Variants in CALCR observed in about 807,000 individuals in gnomAD.
The protein encoded by CALCR is calcitonin receptor.
In CALCR, 47 loss-of-function variants were observed where a neutral mutation model predicts 59.5. The ratio of observed to expected loss-of-function variants is 0.79; its 90% CI spans 0.63 to 1.01. The LOEUF (loss-of-function observed/expected upper bound fraction) is 1.01, where lower values mean the gene tolerates loss of function less well. CALCR is among the 50% of genes least tolerant of loss of function. The probability of loss-of-function intolerance (pLI) is 0.00; values close to 1 mark genes in which losing one functional copy is unlikely to be tolerated. For synonymous variants in CALCR, 213 were observed against 211.3 expected (o/e 1.01, Z -0.07); for missense variants, 566 against 597.1 (o/e 0.95, Z 0.54).
chr7:93,519,939 C>G (rs1327895444), intron 2 of CALCR, among the ~76,000 whole-genome samples: 1 of 151,948 alleles, frequency 6.6e-6, no homozygotes, highest in Non-Finnish European at 1.5e-5. Flanking sequence ...TCAATTAAAC[C>G]TCTTTCCTCT....
At chr7:93,535,898 G>A (rs1480240534) in intron 2 of CALCR, among the ~76,000 whole-genome samples, 1 of 151,758 alleles carries the variant, frequency 6.6e-6, no homozygotes, top group African/African-American at 2.4e-5. Flanking sequence ...AATATGTAAA[G>A]TTCTCTGGTT....
At chr7:93,480,582 T>A (rs1299694692) in intron 3 of CALCR, among the ~76,000 whole-genome samples, 1 of 151,874 alleles carries the variant, frequency 6.6e-6, no homozygotes, top group Non-Finnish European at 1.5e-5. Flanking sequence ...CTCATCCCTA[T>A]TAAGTTGACA....
At chr7:93,441,031 ATG>A (rs1034158166) in intron 9 of CALCR, among the ~76,000 whole-genome samples, 3 of 151,928 alleles carry the variant, frequency 2.0e-5, no homozygotes, top group Non-Finnish European at 4.4e-5. Flanking sequence ...TGAATTGTTT[ATG>A]TGTTTTAAGC....
In CALCR at chr7:93,488,586, A is replaced by G. The variant is rs964294955; in HGVS notation, c.-26-1579T>C. Among the ~76,000 whole-genome samples the G allele has an allele frequency of 6.0e-4, 88 of 147,658 alleles. 2 individuals are homozygous for G. The highest frequency in any genetic ancestry group is 3.3e-4 in the Non-Finnish European group (22 of 66,242). On this transcript the variant is annotated intron_variant, in intron 2 of 13. Coordinates refer to ENST00000426151, the MANE Select transcript of CALCR (RefSeq NM_001742.4). ...AATTTACCAAGCAAATGGAAAGAAA[A>G]AAAAAAAAAAAAAAAGCATGGGTTG...
intron 13 of CALCR, among the ~76,000 whole-genome samples, chr7:93,430,469 C>A (rs1333245849): frequency 6.6e-6 from 1 of 152,130 alleles, no homozygotes; most frequent in African/African-American, 2.4e-5. Flanking sequence ...GATTCCCATT[C>A]ATTATCTCTT....
At chr7:93,435,297 T>C (rs1315585760) in intron 12 of CALCR, among the ~76,000 whole-genome samples, 1 of 152,146 alleles carries the variant, frequency 6.6e-6, no homozygotes, top group Non-Finnish European at 1.5e-5. Context: ...CTTGTGCAAA[T>C]TCCTCATTAC....
intron 2 of CALCR, among the ~76,000 whole-genome samples, chr7:93,562,001 G>T (rs1333197126): frequency 1.3e-5 from 2 of 151,848 alleles, no homozygotes; most frequent in Admixed American, 1.3e-4. Context: ...GAGTTAAAAT[G>T]GGTATAACAA....
intron 3 of CALCR, among the ~76,000 whole-genome samples, chr7:93,485,612 A>T (rs1232376634): frequency 2.0e-5 from 3 of 151,660 alleles, no homozygotes; most frequent in Non-Finnish European, 3.0e-5. Flanking sequence ...AATAATATAT[A>T]GCAATATTTT....
At chr7:93,459,543 T>C (rs1800274813) in intron 8 of CALCR, among the ~76,000 whole-genome samples, 1 of 152,260 alleles carries the variant, frequency 6.6e-6, no homozygotes, top group Admixed American at 6.5e-5. Context: ...GTTTATTTGC[T>C]TCATCCAGTA....
chr7:93,484,122 C>T lies in CALCR; in HGVS notation c.51+2809G>A, dbSNP rs539398731. The T allele has an allele frequency of 4.8e-5, 16 of 333,376 alleles. 1 individual carries two copies. In the East Asian group the frequency reaches 6.6e-4, roughly 14 times the overall value. 20.7% of individuals were successfully genotyped at this position (333,376 alleles called of 1,614,324 possible). A position where few individuals can be genotyped will look rare whatever the true frequency, so the allele number is the denominator to read the frequency against. On this transcript the variant is annotated intron_variant, in intron 3 of 13. Transcript: ENST00000426151. Reference sequence around the variant, plus strand: ...GGCACTCTTCTAGGTTCTGGAAATTCAGCAGTGAACCAAACTGGCAAGCCA... The same window carrying T: ...GGCACTCTTCTAGGTTCTGGAAATTTAGCAGTGAACCAAACTGGCAAGCCA...
chr7:93,465,363 C>T (rs963856216), intron 7 of CALCR, among the ~76,000 whole-genome samples: 2 of 151,910 alleles, frequency 1.3e-5, no homozygotes, highest in Non-Finnish European at 2.9e-5. Context: ...CATTTTAGCT[C>T]TCTTGTTGAC....
At chr7:93,567,708 G>A (rs572076007) in intron 2 of CALCR, among the ~76,000 whole-genome samples, 7 of 138,700 alleles carry the variant, frequency 5.0e-5, no homozygotes, top group African/African-American at 1.9e-4. Context: ...CCAGCCCCCT[G>A]CCCCCCAACA....
intron 2 of CALCR, among the ~76,000 whole-genome samples, chr7:93,507,751 CAAAAAAA>C (rs562704303): frequency 1.7e-4 from 9 of 52,046 alleles, no homozygotes; most frequent in African/African-American, 2.3e-4. Context: ...ACTAAAAATA[CAAAAAAA>C]AAAAAAAAAA....
intron 2 of CALCR, among the ~76,000 whole-genome samples, chr7:93,540,192 A>G (rs1326920129): frequency 6.6e-6 from 1 of 152,188 alleles, no homozygotes; most frequent in African/African-American, 2.4e-5. Context: ...GTAATTCAAT[A>G]TTGGACCTGG....
intron 2 of CALCR, among the ~76,000 whole-genome samples, chr7:93,514,347 C>T (rs1801608879): frequency 6.6e-6 from 1 of 151,944 alleles, no homozygotes. Flanking sequence ...AGTCTTTAAA[C>T]ATTTGTAGCT....
chr7:93,572,205 G>A (rs1267207467), intron 2 of CALCR, among the ~76,000 whole-genome samples: 1 of 151,828 alleles, frequency 6.6e-6, no homozygotes. Flanking sequence ...ATATATGTAT[G>A]TTTATACATA....
At chr7:93,505,809 G>A (rs537546126) in intron 2 of CALCR, among the ~76,000 whole-genome samples, 1 of 152,264 alleles carries the variant, frequency 6.6e-6, no homozygotes, top group Non-Finnish European at 1.5e-5. Flanking sequence ...GGCCACCTGG[G>A]ACTAGGTATG....
intron 2 of CALCR, among the ~76,000 whole-genome samples, chr7:93,497,699 TGAG>T (rs1801238967): frequency 6.6e-6 from 1 of 151,588 alleles, no homozygotes; most frequent in Admixed American, 6.6e-5. Context: ...AGGGTATAAA[TGAG>T]GAGAAGATCT....
intron 13 of CALCR, among the ~76,000 whole-genome samples, chr7:93,431,088 C>T (rs954429050): frequency 4.6e-5 from 7 of 152,142 alleles, no homozygotes; most frequent in Non-Finnish European, 8.8e-5. Flanking sequence ...TAGAGACCCT[C>T]ACAGACAGGA....
Sources: gnomAD v4.1 joint callset for allele counts (sites outside exome capture counted in the v4.1 genomes callset) on GRCh38, gnomAD v4.1.1 for gene constraint, MANE v1.5 for transcripts, NCBI Gene and HGNC (gene_info 2026-07-23, HGNC 2026-07-21) for gene names.